Variants in ALK observed in about 807,000 individuals in gnomAD.
The protein encoded by ALK is ALK tyrosine kinase receptor.
Under a neutral mutation model 163.1 loss-of-function variants are expected in ALK, and 74 were observed. The observed-to-expected ratio is 0.45, with a 90% confidence interval of 0.38 to 0.55. The LOEUF (loss-of-function observed/expected upper bound fraction) is 0.55. Among genes scored for constraint, ALK ranks in the 20% least tolerant of loss-of-function variants. The probability of loss-of-function intolerance (pLI) is 0.00; values close to 1 mark genes in which losing one functional copy is unlikely to be tolerated. For synonymous variants in ALK, 960 were observed against 843.2 expected (o/e 1.14, Z -2.40); for missense variants, 2,063 against 2,105.3 (o/e 0.98, Z 0.39).
chr2:29,810,755 T>C (rs1055795800), intron 1 of ALK, among the ~76,000 whole-genome samples: 2 of 152,098 alleles, frequency 1.3e-5, no homozygotes, highest in East Asian at 1.9e-4. Context: ...ATGGATTGAA[T>C]TGTGTACCCT....
chr2:29,216,959 G>A (rs1329140540), intron 23 of ALK, among the ~76,000 whole-genome samples: 1 of 90,984 alleles, frequency 1.1e-5, no homozygotes, highest in East Asian at 2.3e-4. Flanking sequence ...TGTGATGTGT[G>A]TGTGGTGTGT....
chr2:29,285,764 T>C lies in ALK; in HGVS notation c.1818-10268A>G, dbSNP rs1214024720. 3.3e-5 allele frequency among the ~76,000 whole-genome samples: 5 copies of C among 151,158 alleles called. No individual in the cohort carries two copies. The East Asian group carries it at 9.8e-4, about 30-fold the overall frequency. On this transcript the variant is annotated intron_variant, in intron 9 of 28. Transcript: ENST00000389048. ...TTTTAGTAAAGACGGGGTTTTACCA[T>C]GTTGGCCAGGCTGGTCTTGAACTCC... is the stretch of plus-strand genomic sequence containing the variant.
In ALK at chr2:29,209,812, G is replaced by T; in HGVS notation, c.3810C>A (p.Asp1270Glu). Reference protein sequence around the residue: ...PGPGRVAKIGDFGMARDIYRA... With the variant: ...PGPGRVAKIGEFGMARDIYRA... Reference sequence around the variant, plus strand: ...TGTAGATGTCTCGGGCCATCCCGAAGTCTCCAATCTTGGCCACTCTTCCAG... The same window carrying T: ...TGTAGATGTCTCGGGCCATCCCGAATTCTCCAATCTTGGCCACTCTTCCAG... The change falls in exon 25 of 29, where the codon GAC becomes GAA. Residue 1270 changes from aspartate (D) to glutamate (E), a missense_variant. By Grantham distance (45) the Asp-to-Glu change is conservative. Around this residue, in one of 5 missense-constraint regions of ALK, gnomAD observed 83 missense variants for 139.7 expected, o/e 0.59. Coordinates refer to ENST00000389048, the MANE Select transcript of ALK (RefSeq NM_004304.5). 6.2e-7 allele frequency: 1 copy of T among 1,614,164 alleles called. No individual in the cohort carries two copies. The highest frequency in any genetic ancestry group is 8.5e-7 in the Non-Finnish European group (1 of 1,180,014).
At chr2:29,437,472 G>T (rs910341743) in intron 4 of ALK, among the ~76,000 whole-genome samples, 1 of 152,156 alleles carries the variant, frequency 6.6e-6, no homozygotes, top group South Asian at 2.1e-4. Context: ...ATGAGACAAA[G>T]CGAGGCCACT....
chr2:29,290,097 A>G (rs1665980360), intron 9 of ALK, among the ~76,000 whole-genome samples: 1 of 152,134 alleles, frequency 6.6e-6, no homozygotes, highest in Admixed American at 6.5e-5. Flanking sequence ...AGGTTTGTAC[A>G]TTTCATGCTT....
chr2:29,906,361 T>C (rs558576568), intron 1 of ALK, among the ~76,000 whole-genome samples: 31 of 152,254 alleles, frequency 2.0e-4, no homozygotes, highest in Non-Finnish European at 3.4e-4. Context: ...GTGCAGCATC[T>C]AGTACAGTGT....
At chr2:29,681,548 A>C (rs184090863) in intron 3 of ALK, among the ~76,000 whole-genome samples, 5 of 152,250 alleles carry the variant, frequency 3.3e-5, no homozygotes, top group Non-Finnish European at 7.4e-5. Flanking sequence ...CAGGCCATTT[A>C]GTTCTTGAGT....
chr2:29,307,878 A>G (rs1321081671), intron 8 of ALK, among the ~76,000 whole-genome samples: 1 of 152,222 alleles, frequency 6.6e-6, no homozygotes, highest in Non-Finnish European at 1.5e-5. Flanking sequence ...AAAGATCAGG[A>G]TCCTTCCTGA....
intron 4 of ALK, among the ~76,000 whole-genome samples, chr2:29,401,316 C>T (rs962121939): frequency 3.9e-5 from 6 of 152,100 alleles, no homozygotes; most frequent in African/African-American, 1.2e-4. Flanking sequence ...TCCACAACCC[C>T]CTCAGGTAGT....
chr2:29,269,791 T>C (rs147806250), intron 11 of ALK, among the ~76,000 whole-genome samples: 46 of 151,940 alleles, frequency 3.0e-4, no homozygotes, highest in African/African-American at 1.1e-3. Flanking sequence ...TGCCACCCCT[T>C]AATGAACAGT....
At chr2:29,522,607 G>T (rs1428140444) in intron 4 of ALK, among the ~76,000 whole-genome samples, 1 of 152,118 alleles carries the variant, frequency 6.6e-6, no homozygotes, top group East Asian at 1.9e-4. Context: ...AGGCTACATG[G>T]TCAATGCTAT....
intron 4 of ALK, among the ~76,000 whole-genome samples, chr2:29,458,126 CAAT>C (rs1671003330): frequency 6.6e-6 from 1 of 152,142 alleles, no homozygotes; most frequent in Non-Finnish European, 1.5e-5. Flanking sequence ...CAGTGTTTTA[CAAT>C]GTGTATACAT....
At chr2:29,916,829 T>C (rs1325496883) in intron 1 of ALK, among the ~76,000 whole-genome samples, 2 of 152,196 alleles carry the variant, frequency 1.3e-5, no homozygotes, top group Admixed American at 1.3e-4. Context: ...GTGGGCAACA[T>C]GCCAGCCTTG....
In ALK at chr2:29,227,194, T is replaced by C. The variant is rs1298499686; in HGVS notation, c.2915-120A>G. The C allele has an allele frequency of 7.7e-7, 1 of 1,301,228 alleles. No homozygotes were observed. The highest frequency in any genetic ancestry group is 2.3e-5 in the East Asian group (1 of 43,318). 80.6% of individuals were successfully genotyped at this position (1,301,228 alleles called of 1,614,324 possible). On this transcript the variant is annotated intron_variant, in intron 17 of 28. Transcript: ENST00000389048. The surrounding 1 kb of genome is among the most constrained non-coding windows in gnomAD (Gnocchi z 4.4). The stretch of plus-strand genomic sequence containing the variant: ...TGGTGGTCCCTGTTCCTAGGTCCCA[T>C]AGCCACTGGAAGCACAACTGTGTAG...
In ALK at chr2:29,693,851, A is replaced by G. The variant is rs1678473695; in HGVS notation, c.952+999T>C. Among the ~76,000 whole-genome samples the G allele has an allele frequency of 2.6e-5, 4 of 152,214 alleles. No individual in the cohort carries two copies. In the South Asian group the frequency reaches 8.3e-4, roughly 32 times the overall value. On this transcript the variant is annotated intron_variant, in intron 3 of 28. Coordinates refer to ENST00000389048, the MANE Select transcript of ALK (RefSeq NM_004304.5). ...TATTTAGACCCAGACCCACATGTAC[A>G]TTCTGTGTGATCTTGGGGCAGTCAC...
At chr2:29,583,044 T>TTTTTG (rs2148200029) in intron 3 of ALK, among the ~76,000 whole-genome samples, 1 of 149,768 alleles carries the variant, frequency 6.7e-6, no homozygotes, top group Admixed American at 6.7e-5. Context: ...TGTTTTTTGT[T>TTTTTG]TTTTTGTTTT....
rs75451344 is a variant in ALK, at chr2:29,266,321, A to G, written c.2041+8778T>C. 3.3e-4 allele frequency among the ~76,000 whole-genome samples: 51 copies of G among 152,324 alleles called. No homozygotes were observed. The East Asian group carries it at 9.3e-3, about 28-fold the overall frequency. ...CAAGATATTAACCTCCCCTCCAGATACATATTTATGTGTATACATAAGAGT... is the reference window on the plus strand; with the variant it reads ...CAAGATATTAACCTCCCCTCCAGATGCATATTTATGTGTATACATAAGAGT... On this transcript the variant is annotated intron_variant, in intron 11 of 28. Transcript: ENST00000389048.
At chr2:29,348,149 C>A (rs1463300212) in intron 5 of ALK, among the ~76,000 whole-genome samples, 1 of 152,100 alleles carries the variant, frequency 6.6e-6, no homozygotes, top group African/African-American at 2.4e-5. Flanking sequence ...TCAGGCTGGG[C>A]AGGGGTGGAA....
chr2:29,582,707 T>G (rs529060465), intron 3 of ALK, among the ~76,000 whole-genome samples: 2 of 152,274 alleles, frequency 1.3e-5, no homozygotes, highest in East Asian at 3.9e-4. Context: ...ACGTGTTTCA[T>G]AGACAGAGAC....
Sources: gnomAD v4.1 joint callset for allele counts (sites outside exome capture counted in the v4.1 genomes callset) on GRCh38, gnomAD v4.1.1 for gene constraint, gnomAD v4.1.1 regional missense constraint, Gnocchi (gnomAD v3.1) non-coding constraint, MANE v1.5 for transcripts, NCBI Gene and HGNC (gene_info 2026-07-23, HGNC 2026-07-21) for gene names.